Variants in ANKRD36 observed in about 807,000 individuals in gnomAD.
ANKRD36 encodes ankyrin repeat domain-containing protein 36A.
In ANKRD36, 179 loss-of-function variants were observed where a neutral mutation model predicts 278.1. That is an observed-to-expected ratio of 0.64 (90% confidence interval 0.57 to 0.73). The LOEUF is 0.73. ANKRD36 is among the 30% of genes least tolerant of loss of function. ANKRD36 has a pLI of 0.00. For missense variants in ANKRD36, 1,159 were observed against 1,956.7 expected (o/e 0.59, Z 7.69); for synonymous variants, 320 against 641.1 (o/e 0.50, Z 7.57).
intron 22 of ANKRD36, among the ~76,000 whole-genome samples, chr2:97,178,477 A>G (rs2055030199): frequency 6.6e-6 from 1 of 151,794 alleles, no homozygotes; most frequent in South Asian, 2.1e-4. Flanking sequence ...GCACATATAC[A>G]CCATGGAATA....
intron 69 of ANKRD36, among the ~76,000 whole-genome samples, chr2:97,242,993 G>A (rs372547255): frequency 7.9e-6 from 1 of 125,864 alleles, no homozygotes; most frequent in Non-Finnish European, 1.7e-5. Context: ...AAGAAAAATA[G>A]TATTTAAGAA....
intron 9 of ANKRD36, 21 bp from the exon 10 acceptor site, chr2:97,144,619 T>C: frequency 6.5e-7 from 1 of 1,550,372 alleles, no homozygotes; most frequent in Non-Finnish European, 8.7e-7. Context: ...TATTGATTAT[T>C]TTGTTTGAAA....
At chr2:97,150,923 G>T (rs200904481) in intron 12 of ANKRD36, among the ~76,000 whole-genome samples, 1 of 145,232 alleles carries the variant, frequency 6.9e-6, no homozygotes, top group Non-Finnish European at 1.5e-5. Context: ...GAATGTGTCA[G>T]TTTTCAGATC....
In ANKRD36 at chr2:97,190,781, T is replaced by C. The variant is rs539193684; in HGVS notation, c.2246-197T>C. On this transcript the variant is annotated intron_variant, in intron 34 of 75. Transcript: ENST00000420699. Reference sequence around the variant, plus strand: ...CATACCATGTTTGAAACTGTAAGGATATATTTCATGGAGCCTGTATTCCCT... The same window carrying C: ...CATACCATGTTTGAAACTGTAAGGACATATTTCATGGAGCCTGTATTCCCT... Among the ~76,000 whole-genome samples the C allele has an allele frequency of 4.6e-5, 7 of 151,858 alleles. No individual in the cohort carries two copies. In the South Asian group the frequency reaches 1.5e-3, roughly 32 times the overall value.
At chr2:97,165,567 A>C (rs1391227934) in intron 20 of ANKRD36, among the ~76,000 whole-genome samples, 1 of 151,952 alleles carries the variant, frequency 6.6e-6, no homozygotes, top group Non-Finnish European at 1.5e-5. Context: ...ATTGGAAAGA[A>C]GAAATGGCCA....
At chr2:97,189,972 G>A (rs574429525) in intron 34 of ANKRD36, among the ~76,000 whole-genome samples, 4 of 82,442 alleles carry the variant, frequency 4.9e-5, no homozygotes, top group African/African-American at 1.1e-4. Flanking sequence ...TTACTATTAG[G>A]CATCAGAGAT....
chr2:97,144,293 A>G (rs1331773668), intron 8 of ANKRD36, among the ~76,000 whole-genome samples: 1 of 152,242 alleles, frequency 6.6e-6, no homozygotes, highest in Non-Finnish European at 1.5e-5. Flanking sequence ...CATGTGAAGA[A>G]TAATATCACA....
intron 68 of ANKRD36, among the ~76,000 whole-genome samples, chr2:97,237,238 C>A (rs1446407794): frequency 6.6e-6 from 1 of 151,350 alleles, no homozygotes; most frequent in Admixed American, 6.6e-5. Flanking sequence ...TTTTTGTATA[C>A]CCCCAATCCA....
intron 1 of ANKRD36, among the ~76,000 whole-genome samples, chr2:97,116,111 A>G (rs1353021166): frequency 1.3e-5 from 2 of 152,150 alleles, no homozygotes; most frequent in Non-Finnish European, 2.9e-5. Flanking sequence ...TGGCAGGTGT[A>G]TTGTGATATT....
At chr2:97,116,911 A>G (rs1221399429) in intron 1 of ANKRD36, among the ~76,000 whole-genome samples, 2 of 152,064 alleles carry the variant, frequency 1.3e-5, no homozygotes, top group African/African-American at 2.4e-5. Flanking sequence ...CTGAATACCT[A>G]TTATGTAGCA....
chr2:97,145,013 T>C (rs1206748079), intron 10 of ANKRD36, among the ~76,000 whole-genome samples: 1 of 151,922 alleles, frequency 6.6e-6, no homozygotes, highest in Non-Finnish European at 1.5e-5. Flanking sequence ...CATGTCTCCA[T>C]GAAGAGGGGA....
chr2:97,209,802 T>C lies in ANKRD36; in HGVS notation c.3297T>C (p.Ala1099=). 6.2e-7 allele frequency: 1 copy of C among 1,601,024 alleles called. No individual in the cohort carries two copies. Among genetic ancestry groups the C allele is most frequent in the African/African-American group, 1.4e-5 (1 of 73,746 alleles). The change falls in exon 56 of 76, where the codon GCT becomes GCC. Residue 1099 remains alanine (A), a splice_region_variant and synonymous_variant. Transcript: ENST00000420699. ...ATTTCATTTCAAATTCCATTCAGGC[T>C]ACAAGTGACGAGAAAGATTCTGTTT... ...VSSRKKPALK[A]TSDEKDSVLY...
At chr2:97,224,578 T>C (rs1202262513) in intron 66 of ANKRD36, among the ~76,000 whole-genome samples, 1 of 151,958 alleles carries the variant, frequency 6.6e-6, no homozygotes, top group Non-Finnish European at 1.5e-5. Context: ...GCCTCCCGAC[T>C]AGCTGGGACT....
chr2:97,177,739 G>A (rs1465095760), intron 22 of ANKRD36, among the ~76,000 whole-genome samples: 1 of 151,736 alleles, frequency 6.6e-6, no homozygotes, highest in African/African-American at 2.4e-5. Flanking sequence ...AGAAAACCTA[G>A]CCATTACCAT....
chr2:97,236,984 GTCTGT>G (rs1426066310), intron 68 of ANKRD36, among the ~76,000 whole-genome samples: 10 of 96,934 alleles, frequency 1.0e-4, no homozygotes, highest in African/African-American at 4.9e-4. Flanking sequence ...AGATGCCTGT[GTCTGT>G]TGGGATGATC....
chr2:97,201,065 T>A (rs536229975), intron 46 of ANKRD36, among the ~76,000 whole-genome samples: 1 of 152,018 alleles, frequency 6.6e-6, no homozygotes, highest in South Asian at 2.1e-4. Context: ...TGAACTCACT[T>A]CAGATGCATT....
At position 97,231,202 on chromosome 2, in the gene ANKRD36, G is replaced by A. The variant is rs570419084; in HGVS notation, c.3952-2528G>A. Among the ~76,000 whole-genome samples the A allele has an allele frequency of 2.6e-5, 4 of 152,252 alleles. 1 individual carries two copies. In the South Asian group the frequency reaches 8.3e-4, roughly 32 times the overall value. On this transcript the variant is annotated intron_variant, in intron 67 of 75. Coordinates refer to ENST00000420699, the MANE Select transcript of ANKRD36 (RefSeq NM_001354587.1). ...ATACAGGGACATTTAAGTCTGCAGA[G>A]GTTACTGCTGTCTTTTTGTTTCTCT...
In ANKRD36 at chr2:97,211,684, G is replaced by A. The variant is rs1320436745; in HGVS notation, c.3412G>A (p.Glu1138Lys). Residue 1138 changes from glutamate to lysine, a missense_variant, in exon 58 of 76, where the codon GAA becomes AAA. Physicochemically the swap from Glu to Lys is moderately conservative, Grantham distance 56. Transcript: ENST00000420699. ...QPALKAICDK[E>K]DSVPNMATEK... The stretch of plus-strand genomic sequence containing the variant: ...TTCTATTCAGGCTATCTGTGACAAG[G>A]AAGATTCTGTTCCGAATATGGCCAC... The A allele has an allele frequency of 3.8e-6, 6 of 1,594,784 alleles. No individual in the cohort carries two copies. Among genetic ancestry groups the A allele is most frequent in the Non-Finnish European group, 5.1e-6 (6 of 1,171,920 alleles).
intron 20 of ANKRD36, among the ~76,000 whole-genome samples, chr2:97,165,863 T>A (rs1221848251): frequency 6.6e-6 from 1 of 152,308 alleles, no homozygotes; most frequent in Non-Finnish European, 1.5e-5. Flanking sequence ...CTGGTAAGGA[T>A]CTAGCCTTGT....
Sources: allele counts gnomAD v4.1 joint callset (sites outside exome capture counted in the v4.1 genomes callset), GRCh38; gene constraint gnomAD v4.1.1; transcripts MANE v1.5; gene names NCBI Gene and HGNC (gene_info 2026-07-23, HGNC 2026-07-21).